SUGCT: variants seen among roughly 807,000 people sequenced by gnomAD.
SUGCT encodes succinyl-CoA:glutarate-CoA transferase.
In SUGCT, 41 loss-of-function variants were observed where a neutral mutation model predicts 55.0. The observed-to-expected ratio is 0.74, with a 90% CI of 0.58 to 0.97. SUGCT has a LOEUF of 0.97. SUGCT is among the 50% of genes least tolerant of loss of function. The pLI, the probability that SUGCT is intolerant of heterozygous loss-of-function variation, is 0.00. For missense variants in SUGCT, 568 were observed against 547.8 expected (o/e 1.04, Z -0.37); for synonymous variants, 187 against 200.4 (o/e 0.93, Z 0.56).
At chr7:40,451,934 C>G (rs966455066) in intron 10 of SUGCT, among the ~76,000 whole-genome samples, 4 of 152,154 alleles carry the variant, frequency 2.6e-5, no homozygotes, top group Non-Finnish European at 5.9e-5. Context: ...ACAGTGAGCC[C>G]CTCAAAACTG....
intron 9 of SUGCT, among the ~76,000 whole-genome samples, chr7:40,317,286 G>A (rs1376294053): frequency 2.0e-5 from 3 of 152,136 alleles, no homozygotes; most frequent in Admixed American, 2.0e-4. Context: ...GCGTGTGATG[G>A]TTCTTCATTT....
At chr7:40,680,677 G>A (rs191319140) in intron 12 of SUGCT, among the ~76,000 whole-genome samples, 5 of 152,296 alleles carry the variant, frequency 3.3e-5, no homozygotes, top group African/African-American at 1.2e-4. Flanking sequence ...TAATCTGGAG[G>A]AAATTATGAA....
intron 12 of SUGCT, among the ~76,000 whole-genome samples, chr7:40,737,122 A>T (rs1787202495): frequency 6.6e-6 from 1 of 152,188 alleles, no homozygotes; most frequent in African/African-American, 2.4e-5. Context: ...GCACTGCAGG[A>T]TGTTTATATT....
At chr7:40,208,839 C>G (rs1464714943) in intron 6 of SUGCT, among the ~76,000 whole-genome samples, 2 of 152,154 alleles carry the variant, frequency 1.3e-5, no homozygotes, top group African/African-American at 2.4e-5. Flanking sequence ...GCCACTGCAC[C>G]CGACTGATTC....
At chr7:40,879,014 G>A in the SUGCT span, among the ~76,000 whole-genome samples, 375 of 152,018 alleles carry the variant, frequency 2.5e-3, 1 homozygote, top group African/African-American at 8.4e-3. Flanking sequence ...GGATGGTCTC[G>A]AGCTCTTGAC....
intron 12 of SUGCT, among the ~76,000 whole-genome samples, chr7:40,622,960 T>G (rs1799342957): frequency 6.6e-6 from 1 of 152,184 alleles, no homozygotes; most frequent in African/African-American, 2.4e-5. Flanking sequence ...ATTTGTGGTT[T>G]AGGGAGCCAA....
chr7:40,995,382 G>GTTATTATTATTATTA, the SUGCT span, among the ~76,000 whole-genome samples: 4,649 of 145,524 alleles, frequency 0.032, 106 homozygotes, highest in Admixed American at 0.075. Flanking sequence ...TATAATAGCT[G>GTTATTATTATTATTA]TTATTATTAT....
chr7:40,653,868 G>T (rs908173338), intron 12 of SUGCT, among the ~76,000 whole-genome samples: 3 of 152,108 alleles, frequency 2.0e-5, no homozygotes, highest in African/African-American at 7.2e-5. Context: ...CTGTGGAAAT[G>T]ATTTTGTTGC....
rs879310384 is a variant in SUGCT at position 40,384,555 on chromosome 7, AT to A, written c.817-64719del. On this transcript the variant is annotated intron_variant, in intron 9 of 13. Coordinates refer to ENST00000335693, the MANE Select transcript of SUGCT (RefSeq NM_001193313.2). Reference sequence around the variant, plus strand: ...CATACCCTGGCTCCCTTAGTCAGTAATTTTTTTTTTTTTGAGACAGTATCTT... The same window carrying A: ...CATACCCTGGCTCCCTTAGTCAGTAATTTTTTTTTTTTGAGACAGTATCTT... Among the ~76,000 whole-genome samples, 382 of 145,482 alleles carry A rather than the reference AT, an allele frequency of 2.6e-3. 2 individuals are homozygous for A. Among genetic ancestry groups the A allele is most frequent in the South Asian group, 0.02 (94 of 4,588 alleles).
the SUGCT span, among the ~76,000 whole-genome samples, chr7:40,874,913 G>C: frequency 6.6e-6 from 1 of 152,210 alleles, no homozygotes; most frequent in Non-Finnish European, 1.5e-5. Context: ...CAGGCCATCT[G>C]TCTGCCTGCT....
At chr7:40,382,849 G>T (rs536314507) in intron 9 of SUGCT, among the ~76,000 whole-genome samples, 23 of 152,196 alleles carry the variant, frequency 1.5e-4, no homozygotes, top group African/African-American at 5.5e-4. Context: ...ATTATCTTTG[G>T]AAAGTATTTA....
intron 12 of SUGCT, among the ~76,000 whole-genome samples, chr7:40,696,412 G>A (rs1414036412): frequency 6.6e-6 from 1 of 152,130 alleles, no homozygotes; most frequent in African/African-American, 2.4e-5. Context: ...CCCATCTTAT[G>A]TTTGGGGTGA....
intron 7 of SUGCT, among the ~76,000 whole-genome samples, chr7:40,272,068 GCTCTCTCTCTCTCTCT>G (rs369167019): frequency 1.1e-5 from 1 of 92,984 alleles, no homozygotes; most frequent in Admixed American, 1.3e-4. Flanking sequence ...TCTCTGTCTC[GCTCTCTCTCTCTCTCT>G]CTCTCTCTCT....
chr7:40,513,403 A>C (rs1458201112), intron 12 of SUGCT, among the ~76,000 whole-genome samples: 1 of 152,100 alleles, frequency 6.6e-6, no homozygotes, highest in South Asian at 2.1e-4. Context: ...TTGAACTACA[A>C]CTGGGCTAAG....
chr7:40,631,861 C>G (rs1799803793), intron 12 of SUGCT, among the ~76,000 whole-genome samples: 1 of 152,212 alleles, frequency 6.6e-6, no homozygotes, highest in African/African-American at 2.4e-5. Flanking sequence ...ATCTTTTCTT[C>G]TAGGAAAATA....
At chr7:40,499,113 G>C (rs1243794682) in intron 12 of SUGCT, 1 of 456,672 alleles carries the variant, frequency 2.2e-6, no homozygotes, top group Non-Finnish European at 4.4e-6. Flanking sequence ...ACGCACCACT[G>C]GCGCGTGTGG....
At chr7:40,757,451 A>C (rs1788313368) in intron 13 of SUGCT, among the ~76,000 whole-genome samples, 1 of 152,204 alleles carries the variant, frequency 6.6e-6, no homozygotes, top group Non-Finnish European at 1.5e-5. Context: ...ACATATCCTC[A>C]TCAACGTAGA....
In SUGCT at chr7:40,439,064, G is replaced by GTGTGTGTA. The variant is rs1283539157; in HGVS notation, c.817-10222_817-10221insGTGTGTAT. Reference sequence around the variant, plus strand: ...TATATATATATGGTATATATATGGTGTATATATATATATATATATATATAT... The same window carrying GTGTGTGTA: ...TATATATATATGGTATATATATGGTGTGTGTGTATATATATATATATATATATATATAT... On this transcript the variant is annotated intron_variant, in intron 9 of 13. Transcript: ENST00000335693. Among the ~76,000 whole-genome samples, 22 of 27,192 alleles carry GTGTGTGTA rather than the reference G, an allele frequency of 8.1e-4. 2 individuals carry two copies. The highest frequency in any genetic ancestry group is 3.3e-3 in the African/African-American group (21 of 6,426). The allele number at this position is 27,192 out of a possible 152,430, so 17.8% of individuals were successfully genotyped here.
intron 12 of SUGCT, among the ~76,000 whole-genome samples, chr7:40,678,102 T>C (rs1784084706): frequency 1.3e-5 from 2 of 152,226 alleles, no homozygotes. Context: ...ATACCTTTTA[T>C]GACCTGTTCT....
Sources: gnomAD v4.1 joint callset for allele counts (sites outside exome capture counted in the v4.1 genomes callset) on GRCh38, gnomAD v4.1.1 for gene constraint, MANE v1.5 for transcripts, NCBI Gene and HGNC (gene_info 2026-07-23, HGNC 2026-07-21) for gene names.